Variants in ENTREP2 observed in about 807,000 individuals in gnomAD.
The protein encoded by ENTREP2 is endosomal transmembrane epsin interactor 2.
At chr15:29,431,080 A>G in the ENTREP2 span, among the ~76,000 whole-genome samples, 1 of 152,140 alleles carries the variant, frequency 6.6e-6, no homozygotes, top group East Asian at 1.9e-4. Flanking sequence ...ACTGTTTTCA[A>G]GCTTTACATC....
At chr15:29,144,453 G>C in the ENTREP2 span, among the ~76,000 whole-genome samples, 2 of 152,140 alleles carry the variant, frequency 1.3e-5, no homozygotes, top group African/African-American at 2.4e-5. Context: ...GAAGGGCCGC[G>C]CATGGTAGCT....
the ENTREP2 span, among the ~76,000 whole-genome samples, chr15:29,292,129 GC>G: frequency 1.3e-5 from 2 of 152,088 alleles, no homozygotes; most frequent in East Asian, 3.9e-4. Context: ...AAGAATACCT[GC>G]TGGAGACTGA....
the ENTREP2 span, among the ~76,000 whole-genome samples, chr15:29,628,211 C>T: frequency 6.6e-6 from 1 of 152,168 alleles, no homozygotes; most frequent in East Asian, 1.9e-4. Flanking sequence ...TTTTGATCTG[C>T]ATTTCTCTAG....
the ENTREP2 span, among the ~76,000 whole-genome samples, chr15:29,668,535 G>A: frequency 6.6e-6 from 1 of 152,154 alleles, no homozygotes; most frequent in Non-Finnish European, 1.5e-5. Flanking sequence ...ATGAATTGGT[G>A]AACATGTTGT....
chr15:29,259,819 T>A, the ENTREP2 span, among the ~76,000 whole-genome samples: 37 of 151,848 alleles, frequency 2.4e-4, no homozygotes, highest in African/African-American at 8.5e-4. Context: ...TACATATATA[T>A]ATATATGAAG....
the ENTREP2 span, among the ~76,000 whole-genome samples, chr15:29,633,582 A>AC: frequency 1.3e-5 from 2 of 152,174 alleles, no homozygotes; most frequent in Non-Finnish European, 1.5e-5. Context: ...GGAAAAGATC[A>AC]GCTTCAATCA....
At chr15:29,413,065 A>G in the ENTREP2 span, among the ~76,000 whole-genome samples, 4 of 152,046 alleles carry the variant, frequency 2.6e-5, no homozygotes, top group African/African-American at 9.7e-5. Flanking sequence ...TTCCAAATAT[A>G]TTAGGGTCAT....
the ENTREP2 span, among the ~76,000 whole-genome samples, chr15:29,250,405 G>A: frequency 6.6e-6 from 1 of 152,182 alleles, no homozygotes; most frequent in South Asian, 2.1e-4. Flanking sequence ...GTATGTGAGA[G>A]TACATATCTG....
At chr15:29,513,792 C>T in the ENTREP2 span, among the ~76,000 whole-genome samples, 2 of 152,220 alleles carry the variant, frequency 1.3e-5, no homozygotes, top group African/African-American at 4.8e-5. Flanking sequence ...ACCTCCGAGT[C>T]CATGTCCACA....
At chr15:29,217,169 A>G in the ENTREP2 span, among the ~76,000 whole-genome samples, 10,181 of 152,266 alleles carry the variant, frequency 0.067, 1,179 homozygotes, top group African/African-American at 0.23. Context: ...AGGAATTCCT[A>G]GGAATTGTGG....
the ENTREP2 span, among the ~76,000 whole-genome samples, chr15:29,381,181 G>A: frequency 4.5e-4 from 66 of 146,498 alleles, no homozygotes; most frequent in Non-Finnish European, 7.4e-4. Flanking sequence ...TGTTGGCCAG[G>A]CGCAGTGGCT....
At chr15:29,144,749 A>G in the ENTREP2 span, among the ~76,000 whole-genome samples, 1 of 151,858 alleles carries the variant, frequency 6.6e-6, no homozygotes, top group Non-Finnish European at 1.5e-5. Flanking sequence ...CAAACAAAAA[A>G]AAACATTTAG....
chr15:29,235,966 A>C, the ENTREP2 span, among the ~76,000 whole-genome samples: 170 of 135,138 alleles, frequency 1.3e-3, 1 homozygote, highest in African/African-American at 3.9e-3. Context: ...CCATCTCAAA[A>C]AAAACAAAAC....
chr15:29,571,166 C>T, the ENTREP2 span, among the ~76,000 whole-genome samples: 1 of 151,594 alleles, frequency 6.6e-6, no homozygotes, highest in Non-Finnish European at 1.5e-5. Context: ...GGCGCAGGTG[C>T]GGTCCTGGCG....
chr15:29,140,881 G>A, the ENTREP2 span, among the ~76,000 whole-genome samples: 2 of 152,236 alleles, frequency 1.3e-5, no homozygotes, highest in African/African-American at 4.8e-5. Flanking sequence ...TCTGATCCAT[G>A]TGGTGACAAA....
the ENTREP2 span, among the ~76,000 whole-genome samples, chr15:29,308,386 A>C: frequency 1.3e-5 from 2 of 152,024 alleles, no homozygotes; most frequent in Non-Finnish European, 2.9e-5. Flanking sequence ...AAAAGAAAAA[A>C]GGAAAGCGTG....
the ENTREP2 span, among the ~76,000 whole-genome samples, chr15:29,560,880 C>A: frequency 6.6e-6 from 1 of 150,680 alleles, no homozygotes; most frequent in Non-Finnish European, 1.5e-5. Flanking sequence ...AAACTATGAT[C>A]CCTAGGCCAA....
At chr15:29,159,989 G>A in the ENTREP2 span, among the ~76,000 whole-genome samples, 1 of 152,262 alleles carries the variant, frequency 6.6e-6, no homozygotes, top group South Asian at 2.1e-4. Flanking sequence ...GCTCGCCCGG[G>A]AGGCTCGGGC....
At chr15:29,514,995 G>A in the ENTREP2 span, among the ~76,000 whole-genome samples, 6 of 152,162 alleles carry the variant, frequency 3.9e-5, no homozygotes, top group African/African-American at 9.7e-5. Context: ...AGGAAAGAAC[G>A]GCCCCTTGAT....
Sources: allele counts gnomAD v4.1 joint callset (sites outside exome capture counted in the v4.1 genomes callset), GRCh38; gene constraint gnomAD v4.1.1; transcripts MANE v1.5; gene names NCBI Gene and HGNC (gene_info 2026-07-23, HGNC 2026-07-21).